The following NARS2 variants were observed in gnomAD, a reference collection of about 807,000 sequenced individuals.
The protein encoded by NARS2 is asparaginyl-tRNA synthetase.
NARS2 carries 60 observed loss-of-function variants against 62.9 expected under a neutral mutation model. That is an observed-to-expected ratio of 0.95 (90% confidence interval 0.77 to 1.18). The LOEUF (loss-of-function observed/expected upper bound fraction) is 1.18, where lower values mean the gene tolerates loss of function less well. NARS2 is among the 50% of genes most tolerant of loss of function. The pLI is 0.00. For synonymous variants in NARS2, 196 were observed against 200.0 expected, an observed-to-expected ratio of 0.98 and a Z score of 0.17; for missense variants, 619 against 576.4, an observed-to-expected ratio of 1.07 and a Z score of -0.76.
intron 5 of NARS2, among the ~76,000 whole-genome samples, chr11:78,530,074 T>C (rs982166812): frequency 2.6e-5 from 4 of 152,200 alleles, no homozygotes; most frequent in Non-Finnish European, 5.9e-5. Context: ...GTAAAAATTA[T>C]CAGTTGAATC....
intron 10 of NARS2, among the ~76,000 whole-genome samples, chr11:78,466,968 GT>G (rs11315212): frequency 0.31 from 47,420 of 151,976 alleles, 9,019 homozygotes; most frequent in African/African-American, 0.52. Flanking sequence ...AGCTTCCAGG[GT>G]TAGGAGAAAA....
intron 7 of NARS2, among the ~76,000 whole-genome samples, chr11:78,490,289 T>C (rs1317970496): frequency 6.6e-6 from 1 of 152,184 alleles, no homozygotes; most frequent in Non-Finnish European, 1.5e-5. Context: ...CTGGGATAAC[T>C]GATCTCTCTG....
intron 6 of NARS2, among the ~76,000 whole-genome samples, chr11:78,498,610 C>G (rs1170228335): frequency 1.3e-5 from 2 of 151,918 alleles, no homozygotes; most frequent in Admixed American, 6.6e-5. Flanking sequence ...TGTCTCCCCC[C>G]AGCTTCCACT....
chr11:78,457,027 C>A (rs1186585790), intron 11 of NARS2, among the ~76,000 whole-genome samples: 1 of 152,208 alleles, frequency 6.6e-6, no homozygotes, highest in African/African-American at 2.4e-5. Context: ...ATCCAATTCT[C>A]TGATTATACA....
chr11:78,464,737 C>A (rs551175929), intron 11 of NARS2, among the ~76,000 whole-genome samples: 4 of 151,922 alleles, frequency 2.6e-5, no homozygotes, highest in Non-Finnish European at 4.4e-5. Flanking sequence ...TAGCTAGAAA[C>A]AGAGTGTCCA....
At chr11:78,488,234 T>TAAA (rs34959536) in intron 7 of NARS2, among the ~76,000 whole-genome samples, 3 of 128,890 alleles carry the variant, frequency 2.3e-5, no homozygotes, top group Non-Finnish European at 1.8e-5. Context: ...GCCTACCTGG[T>TAAA]AAAAAAAAAA....
intron 5 of NARS2, among the ~76,000 whole-genome samples, chr11:78,550,324 T>C (rs925005284): frequency 2.6e-5 from 4 of 152,204 alleles, no homozygotes; most frequent in Non-Finnish European, 4.4e-5. Context: ...ACCTTGCGCC[T>C]TACAAGGAAA....
intron 5 of NARS2, among the ~76,000 whole-genome samples, chr11:78,549,941 A>G (rs892902495): frequency 5.9e-5 from 9 of 152,188 alleles, no homozygotes; most frequent in African/African-American, 2.2e-4. Context: ...ACCCAATTAA[A>G]GTCTTTTAAG....
At chr11:78,465,373 G>C (rs1011338936) in intron 11 of NARS2, among the ~76,000 whole-genome samples, 1 of 152,244 alleles carries the variant, frequency 6.6e-6, no homozygotes, top group Non-Finnish European at 1.5e-5. Flanking sequence ...CAGGCTGAAG[G>C]GCTCCTCAAG....
chr11:78,443,224 G>A (rs1857631813), intron 12 of NARS2, among the ~76,000 whole-genome samples: 1 of 151,834 alleles, frequency 6.6e-6, no homozygotes, highest in Admixed American at 6.6e-5. Flanking sequence ...TACTTGGGAG[G>A]CTGAGGCAGG....
intron 5 of NARS2, among the ~76,000 whole-genome samples, chr11:78,532,427 CA>C: frequency 6.6e-6 from 1 of 151,702 alleles, no homozygotes; most frequent in African/African-American, 2.4e-5. Context: ...GCCAAGAAAA[CA>C]AAAAAAGAGA....
chr11:78,444,473 T>C (rs1164732760), intron 11 of NARS2, among the ~76,000 whole-genome samples: 1 of 152,096 alleles, frequency 6.6e-6, no homozygotes, highest in African/African-American at 2.4e-5. Context: ...CCTAGCACTT[T>C]GGGAGGCTGA....
At chr11:78,510,281 G>GA (rs545191255) in intron 6 of NARS2, among the ~76,000 whole-genome samples, 100 of 151,984 alleles carry the variant, frequency 6.6e-4, no homozygotes, top group African/African-American at 2.2e-3. Context: ...TGAAAGGATG[G>GA]AAAAAAAATT....
intron 5 of NARS2, among the ~76,000 whole-genome samples, chr11:78,552,464 G>T (rs184460287): frequency 4.9e-4 from 74 of 152,298 alleles, no homozygotes; most frequent in African/African-American, 1.7e-3. Context: ...TCACGTGCAT[G>T]TGTCTTTATG....
chr11:78,568,011 A>C (rs1339271595), intron 3 of NARS2, among the ~76,000 whole-genome samples: 2 of 152,232 alleles, frequency 1.3e-5, no homozygotes, highest in Non-Finnish European at 2.9e-5. Context: ...ATATATATGA[A>C]GCTAACAGAA....
chr11:78,510,557 T>TA (rs2135385859), intron 6 of NARS2, among the ~76,000 whole-genome samples: 1 of 152,144 alleles, frequency 6.6e-6, no homozygotes, highest in African/African-American at 2.4e-5. Flanking sequence ...AGACAGAAGA[T>TA]AACTAAAAAG....
chr11:78,449,476 C>A (rs75928590), intron 11 of NARS2, among the ~76,000 whole-genome samples: 1 of 151,470 alleles, frequency 6.6e-6, no homozygotes, highest in African/African-American at 2.4e-5. Flanking sequence ...AGGATAGCTA[C>A]GTTAAAAAAA....
intron 7 of NARS2, 56 bp from the exon 8 acceptor site, chr11:78,478,739 T>C (rs1326417447): frequency 9.2e-7 from 1 of 1,081,728 alleles, no homozygotes; most frequent in Non-Finnish European, 1.4e-6. Context: ...ATGAAAAACC[T>C]GTTCAGGACT....
intron 5 of NARS2, among the ~76,000 whole-genome samples, chr11:78,556,668 A>G (rs1211946696): frequency 6.6e-6 from 1 of 152,196 alleles, no homozygotes; most frequent in Non-Finnish European, 1.5e-5. Flanking sequence ...TGATTCTTGA[A>G]TGGCAAATGA....
Sources: allele counts gnomAD v4.1 joint callset (sites outside exome capture counted in the v4.1 genomes callset), GRCh38; gene constraint gnomAD v4.1.1; transcripts MANE v1.5; gene names NCBI Gene and HGNC (gene_info 2026-07-23, HGNC 2026-07-21).